The following PPIE variants were observed in gnomAD, a reference collection of about 807,000 sequenced individuals.
PPIE encodes peptidyl-prolyl cis-trans isomerase E.
PPIE carries 20 observed loss-of-function variants against 38.4 expected under a neutral mutation model. The observed-to-expected ratio is 0.52, with a 90% confidence interval of 0.37 to 0.76. The LOEUF (loss-of-function observed/expected upper bound fraction) is 0.76, where lower values mean the gene tolerates loss of function less well. PPIE is among the 30% of genes least tolerant of loss of function. The pLI is 0.00. For synonymous variants in PPIE, 142 were observed against 135.7 expected, an observed-to-expected ratio of 1.05 and a Z score of -0.32; for missense variants, 322 against 385.8, an observed-to-expected ratio of 0.83 and a Z score of 1.39.
intron 9 of PPIE, chr1:39,762,703 G>A (rs1407060451): frequency 3.8e-5 from 56 of 1,469,978 alleles, no homozygotes; most frequent in African/African-American, 5.7e-5. Context: ...TATCACGGGC[G>A]GTCAGACTTG....
intron 5 of PPIE, 103 bp from the exon 6 acceptor site, chr1:39,743,721 G>T: frequency 1.2e-6 from 1 of 859,934 alleles, no homozygotes. Flanking sequence ...GAATTGTCTG[G>T]CATACAGGCC....
At chr1:39,748,599 AT>A in intron 7 of PPIE, 2 of 290,600 alleles carry the variant, frequency 6.9e-6, no homozygotes, top group South Asian at 3.5e-5. Context: ...AGCCAGGTGT[AT>A]GGTACATGCC....
chr1:39,745,666 GT>G, intron 7 of PPIE, 168 bp downstream of exon 7: 3 of 1,058,562 alleles, frequency 2.8e-6, no homozygotes, highest in Non-Finnish European at 4.0e-6. Context: ...CAGAGCAGGT[GT>G]TTTTGAAGCT....
In PPIE at chr1:39,753,874, G is replaced by A. The variant is rs530995280; in HGVS notation, c.*519G>A. 427 of 985,324 alleles carry A rather than the reference G, an allele frequency of 4.3e-4. 3 individuals carry two copies. In the African/African-American group the frequency reaches 6.8e-3, roughly 16 times the overall value. The allele number at this position is 985,324 out of a possible 1,614,324, so 61.0% of individuals were successfully genotyped here. ...GTGATGTATCTTCACACCAGGCATCGATGTCAGGGCAACGGAAATTAAAGA... is the reference window on the plus strand; with the variant it reads ...GTGATGTATCTTCACACCAGGCATCAATGTCAGGGCAACGGAAATTAAAGA... On this transcript the variant is annotated 3_prime_UTR_variant, in exon 10 of 10. Transcript: ENST00000324379.
At position 39,753,692 on chromosome 1, in the gene PPIE, A is replaced by C. The variant is rs1260702938; in HGVS notation, c.*337A>C. 1 of 1,102,748 alleles carries C rather than the reference A, an allele frequency of 9.1e-7. No homozygotes were observed. The highest frequency in any genetic ancestry group is 1.1e-6 in the Non-Finnish European group (1 of 904,568). The allele number at this position is 1,102,748 out of a possible 1,614,324, so 68.3% of individuals were successfully genotyped here. A position where few individuals can be genotyped will look rare whatever the true frequency, so the allele number is the denominator to read the frequency against. ...TGTTTTCTTTGCTAAAATAAACCCT[A>C]GTTCTTATATTGCTCTTCCTGCTAG... On this transcript the variant is annotated 3_prime_UTR_variant, in exon 10 of 10. Transcript: ENST00000324379.
chr1:39,762,604 G>GT, intron 9 of PPIE: 1 of 1,550,104 alleles, frequency 6.5e-7, no homozygotes, highest in Non-Finnish European at 8.7e-7. Context: ...AAGCCAAAAG[G>GT]TTGAGAGCCA....
At chr1:39,757,204 T>C (rs1648371150), downstream of PPIE, 1 of 152,256 alleles carries the variant, frequency 6.6e-6, no homozygotes, top group African/African-American at 2.4e-5. Context: ...TTTGGTTTAA[T>C]GGACAGACAT....
chr1:39,738,935 A>G lies in PPIE; in HGVS notation c.31+4A>G. On this transcript the variant is annotated splice_donor_region_variant and intron_variant, in intron 1 of 9. Coordinates refer to ENST00000324379, the MANE Select transcript of PPIE (RefSeq NM_006112.4). ...ACCAAGCGCGTCTTGTACGTGGGTG[A>G]GCAGGAGGGGTTGCTAGGCGGAGTC... 1 of 1,482,178 alleles carries G rather than the reference A, an allele frequency of 6.7e-7. No individual in the cohort carries two copies. The highest frequency in any genetic ancestry group is 9.0e-7 in the Non-Finnish European group (1 of 1,116,060). 91.8% of individuals were successfully genotyped at this position (1,482,178 alleles called of 1,614,324 possible).
chr1:39,751,172 T>G (rs534748407), intron 8 of PPIE, among the ~76,000 whole-genome samples: 1 of 152,192 alleles, frequency 6.6e-6, no homozygotes, highest in Admixed American at 6.5e-5. Flanking sequence ...TTGATTAGAG[T>G]CCAAAGTAAA....
At chr1:39,746,757 T>C (rs1490388852) in intron 7 of PPIE, 1 of 152,272 alleles carries the variant, frequency 6.6e-6, no homozygotes, top group Non-Finnish European at 1.5e-5. Context: ...TTCTCGGGTC[T>C]GCTATATCAT....
chr1:39,759,243 T>C (rs1388462780), downstream of PPIE: 1 of 152,316 alleles, frequency 6.6e-6, no homozygotes, highest in African/African-American at 2.4e-5. Flanking sequence ...AAGGACCTTT[T>C]CTTTGACTCA....
At chr1:39,763,319 G>A in intron 9 of PPIE, 3 of 1,038,896 alleles carry the variant, frequency 2.9e-6, no homozygotes, top group Non-Finnish European at 4.2e-6. Context: ...AATCCACCCA[G>A]GAACCCCCGG....
At chr1:39,761,317 C>T (rs1485001153), downstream of PPIE, 1 of 152,846 alleles carries the variant, frequency 6.5e-6, no homozygotes, top group Non-Finnish European at 1.5e-5. Flanking sequence ...CTGGCTCAAC[C>T]TCCACCTCCA....
At position 39,756,282 on chromosome 1, in the gene PPIE, A is replaced by C. The variant is rs1648263849; in HGVS notation, c.*2927A>C. 1.0e-6 allele frequency: 1 copy of C among 985,440 alleles called. No homozygotes were observed. The highest frequency in any genetic ancestry group is 1.1e-4 in the East Asian group (1 of 8,814). The allele number at this position is 985,440 out of a possible 1,614,324, so 61.0% of individuals were successfully genotyped here. A position where few individuals can be genotyped will look rare whatever the true frequency, so the allele number is the denominator to read the frequency against. Reference sequence around the variant, plus strand: ...CTGGGACTGTGTGGCTCCTGTCCCAACTGGCCTCCCCATTCCACATTCCCA... The same window carrying C: ...CTGGGACTGTGTGGCTCCTGTCCCACCTGGCCTCCCCATTCCACATTCCCA... On this transcript the variant is annotated 3_prime_UTR_variant, in exon 10 of 10. Coordinates refer to ENST00000324379, the MANE Select transcript of PPIE (RefSeq NM_006112.4).
chr1:39,745,302 T>G, intron 6 of PPIE, 73 bp from the exon 7 acceptor site: 4 of 1,590,628 alleles, frequency 2.5e-6, no homozygotes, highest in Non-Finnish European at 3.4e-6. Context: ...TCTGGGTGGG[T>G]GTGTAGAATA....
In PPIE at chr1:39,753,824, T is replaced by C. The variant is rs528284336; in HGVS notation, c.*469T>C. On this transcript the variant is annotated 3_prime_UTR_variant, in exon 10 of 10. Coordinates refer to ENST00000324379, the MANE Select transcript of PPIE (RefSeq NM_006112.4). ...TTTTTCACAGCTTTCATTTCCTCCC[T>C]TGGGCCGATCCCCTTAGATGTCAGG... The C allele has an allele frequency of 4.4e-5, 44 of 993,026 alleles. No homozygotes were observed. In the South Asian group the frequency reaches 1.9e-3, roughly 42 times the overall value. The allele number at this position is 993,026 out of a possible 1,614,324, so 61.5% of individuals were successfully genotyped here.
downstream of PPIE, chr1:39,760,077 C>G: frequency 3.1e-6 from 1 of 317,976 alleles, no homozygotes; most frequent in South Asian, 3.8e-5. Flanking sequence ...ATCTCACGAC[C>G]TGAGCCAGTA....
chr1:39,756,654 G>A lies in PPIE; in HGVS notation c.*3299G>A. ...TAAAGTAGAAAAAGCACATCACAAAGAAACATATATAGTACAGTGTGATCC... is the reference window on the plus strand; with the variant it reads ...TAAAGTAGAAAAAGCACATCACAAAAAAACATATATAGTACAGTGTGATCC... On this transcript the variant is annotated 3_prime_UTR_variant, in exon 10 of 10. Transcript: ENST00000324379. 4.1e-6 allele frequency: 4 copies of A among 971,450 alleles called. No individual in the cohort carries two copies. Among genetic ancestry groups the A allele is most frequent in the Non-Finnish European group, 4.9e-6 (4 of 817,270 alleles). 60.2% of individuals were successfully genotyped at this position (971,450 alleles called of 1,614,324 possible). A position where few individuals can be genotyped will look rare whatever the true frequency, so the allele number is the denominator to read the frequency against.
chr1:39,760,603 C>G, downstream of PPIE: 1 of 1,604,078 alleles, frequency 6.2e-7, no homozygotes, highest in Non-Finnish European at 8.5e-7. Flanking sequence ...GGGGCATGAG[C>G]CCAGTGGCCT....
Sources: allele counts gnomAD v4.1 joint callset (sites outside exome capture counted in the v4.1 genomes callset), GRCh38; gene constraint gnomAD v4.1.1; transcripts MANE v1.5; gene names NCBI Gene and HGNC (gene_info 2026-07-23, HGNC 2026-07-21).